CDH18: variants seen among roughly 807,000 people sequenced by gnomAD.
The protein encoded by CDH18 is cadherin 18.
CDH18 carries 31 observed loss-of-function variants against 67.9 expected under a neutral mutation model. That is an observed-to-expected ratio of 0.46 (90% CI 0.34 to 0.62). CDH18 has a LOEUF of 0.62. CDH18 is among the 20% of genes least tolerant of loss of function. CDH18 has a pLI of 0.01. For missense variants in CDH18, 890 were observed against 975.5 expected, an observed-to-expected ratio of 0.91 and a Z score of 1.17; for synonymous variants, 362 against 347.2, an observed-to-expected ratio of 1.04 and a Z score of -0.48.
intron 2 of CDH18, among the ~76,000 whole-genome samples, chr5:20,060,552 C>T (rs1580149375): frequency 6.6e-6 from 1 of 152,064 alleles, no homozygotes; most frequent in Non-Finnish European, 1.5e-5. Flanking sequence ...CTTGTTTGTG[C>T]TATAACATTT....
intron 2 of CDH18, among the ~76,000 whole-genome samples, chr5:20,155,442 G>T (rs1021598102): frequency 6.6e-6 from 1 of 151,860 alleles, no homozygotes; most frequent in Non-Finnish European, 1.5e-5. Context: ...TTTCCTTGCG[G>T]AGCTTTTTAG....
chr5:19,719,364 A>C (rs181968866), intron 5 of CDH18, among the ~76,000 whole-genome samples: 14 of 152,176 alleles, frequency 9.2e-5, no homozygotes, highest in African/African-American at 3.4e-4. Flanking sequence ...TTTCTAAAAA[A>C]GGCAGTTGAA....
chr5:20,089,423 T>C (rs1466637928), intron 2 of CDH18, among the ~76,000 whole-genome samples: 1 of 152,150 alleles, frequency 6.6e-6, no homozygotes, highest in African/African-American at 2.4e-5. Flanking sequence ...CTCATATATT[T>C]TCTACCCAGT....
chr5:19,517,365 A>G (rs1294992972), intron 10 of CDH18, among the ~76,000 whole-genome samples: 2 of 147,574 alleles, frequency 1.4e-5, no homozygotes, highest in Admixed American at 6.8e-5. Flanking sequence ...CTATAGTACT[A>G]TAAGTAGAAA....
intron 4 of CDH18, 53 bp downstream of exon 4, chr5:19,746,887 CTT>C: frequency 2.0e-6 from 3 of 1,463,756 alleles, no homozygotes; most frequent in Non-Finnish European, 2.8e-6. Context: ...CTAAAGATGA[CTT>C]TTTGATTTTC....
chr5:20,247,846 A>G (rs779056873), intron 2 of CDH18, among the ~76,000 whole-genome samples: 3 of 152,152 alleles, frequency 2.0e-5, no homozygotes, highest in Non-Finnish European at 4.4e-5. Flanking sequence ...TTTGTCAATA[A>G]TAGATAGTAG....
chr5:19,480,145 G>A (rs938061965), intron 12 of CDH18, among the ~76,000 whole-genome samples: 1 of 151,878 alleles, frequency 6.6e-6, no homozygotes, highest in Non-Finnish European at 1.5e-5. Context: ...GAGTAAGAAC[G>A]CTGGAAGAAC....
At chr5:19,614,261 T>G (rs1209603356) in intron 5 of CDH18, among the ~76,000 whole-genome samples, 1 of 151,858 alleles carries the variant, frequency 6.6e-6, no homozygotes, top group African/African-American at 2.4e-5. Flanking sequence ...GAGGAGAGCC[T>G]CAGGTATCAG....
chr5:20,424,574 A>G (rs1254244761), intron 1 of CDH18, among the ~76,000 whole-genome samples: 1 of 149,826 alleles, frequency 6.7e-6, no homozygotes, highest in Non-Finnish European at 1.5e-5. Context: ...CAACACAGCA[A>G]AACCTGTCTC....
intron 8 of CDH18, among the ~76,000 whole-genome samples, chr5:19,548,304 T>TA (rs3036706): frequency 0.035 from 5,264 of 148,968 alleles, 221 homozygotes; most frequent in East Asian, 0.094. Context: ...GATTTTAAAT[T>TA]AAAAAAAAAA....
At chr5:20,473,818 C>T (rs1752253959) in intron 1 of CDH18, among the ~76,000 whole-genome samples, 1 of 152,086 alleles carries the variant, frequency 6.6e-6, no homozygotes, top group Non-Finnish European at 1.5e-5. Flanking sequence ...ATCTTAACAT[C>T]AGATAATCTT....
chr5:20,256,504 C>A (rs1256785447), intron 1 of CDH18, among the ~76,000 whole-genome samples: 1 of 151,866 alleles, frequency 6.6e-6, no homozygotes, highest in Admixed American at 6.6e-5. Flanking sequence ...CTACTATGTG[C>A]CAAACATTAT....
rs569441725 is a variant in CDH18, at chr5:20,318,799, GCA to G, written c.-579-63296_-579-63295del. 2.6e-5 allele frequency among the ~76,000 whole-genome samples: 4 copies of G among 152,160 alleles called. 1 individual carries two copies. In the South Asian group the frequency reaches 8.3e-4, roughly 32 times the overall value. On this transcript the variant is annotated intron_variant, in intron 1 of 14. Coordinates refer to the CDH18 transcript ENST00000507958. Reference sequence around the variant, plus strand: ...ATACTTTAAGTTCTAGGGTACATATGCACAATGTGCAGGTTTGTTACATATGT... The same window carrying G: ...ATACTTTAAGTTCTAGGGTACATATGCAATGTGCAGGTTTGTTACATATGT...
At chr5:19,795,996 G>T (rs1188021368) in intron 3 of CDH18, among the ~76,000 whole-genome samples, 1 of 152,006 alleles carries the variant, frequency 6.6e-6, no homozygotes, top group Non-Finnish European at 1.5e-5. Context: ...TGACAGAATA[G>T]AATCAGTTAA....
At chr5:19,705,121 G>A (rs1055958297) in intron 5 of CDH18, among the ~76,000 whole-genome samples, 14 of 152,120 alleles carry the variant, frequency 9.2e-5, no homozygotes, top group Admixed American at 2.0e-4. Context: ...GAACTTACTC[G>A]TAAAAAATTT....
intron 1 of CDH18, among the ~76,000 whole-genome samples, chr5:20,493,356 TAAAAA>T (rs148292031): frequency 1.1e-4 from 5 of 47,194 alleles, no homozygotes; most frequent in Middle Eastern, 0.024. Flanking sequence ...TTCAGAAAAT[TAAAAA>T]AAAAAAAAAA....
intron 1 of CDH18, among the ~76,000 whole-genome samples, chr5:20,495,826 A>G (rs1169412933): frequency 6.6e-6 from 1 of 152,164 alleles, no homozygotes; most frequent in Non-Finnish European, 1.5e-5. Context: ...AAAGATAGCA[A>G]TGGGAAAATA....
chr5:20,453,918 C>T (rs1465820151), intron 1 of CDH18, among the ~76,000 whole-genome samples: 1 of 152,020 alleles, frequency 6.6e-6, no homozygotes, highest in African/African-American at 2.4e-5. Flanking sequence ...TGAAAATATC[C>T]AATAACAGTT....
intron 1 of CDH18, among the ~76,000 whole-genome samples, chr5:20,543,164 T>A (rs1021292823): frequency 6.6e-6 from 1 of 152,056 alleles, no homozygotes; most frequent in Admixed American, 6.6e-5. Context: ...CATATCAAGT[T>A]GATAAATAGA....
Sources: allele counts gnomAD v4.1 joint callset (sites outside exome capture counted in the v4.1 genomes callset), GRCh38; gene constraint gnomAD v4.1.1; transcripts MANE v1.5; gene names NCBI Gene and HGNC (gene_info 2026-07-23, HGNC 2026-07-21).